PBX3: variants seen among roughly 807,000 people sequenced by gnomAD.
PBX3 encodes the protein PBX homeobox 3, also known as pre-B-cell leukemia transcription factor 3.
In PBX3, 14 loss-of-function variants were observed where a neutral mutation model predicts 48.5. The ratio of observed to expected loss-of-function variants is 0.29; its 90% CI spans 0.19 to 0.45. The LOEUF (loss-of-function observed/expected upper bound fraction) is 0.45. Ranked by LOEUF, PBX3 falls within the 20% of genes least tolerant of loss-of-function variation. PBX3 has a pLI of 1.00. For synonymous variants in PBX3, 210 were observed against 200.3 expected, an observed-to-expected ratio of 1.05 and a Z score of -0.41; for missense variants, 386 against 546.7, an observed-to-expected ratio of 0.71 and a Z score of 2.93.
In PBX3 at chr9:125,764,758, T is replaced by TG. The variant is rs551723141; in HGVS notation, c.274+16136dup. Among the ~76,000 whole-genome samples, 813 of 152,338 alleles carry TG rather than the reference T, an allele frequency of 5.3e-3. 2 individuals are homozygous for TG. Among genetic ancestry groups the TG allele is most frequent in the Middle Eastern group, 0.014 (4 of 294 alleles). ...GTTGCCTTTGCTGATTGCAAAGGTT[T>TG]GCTTTTCAGGGACAGTTATAGTAGA... On this transcript the variant is annotated intron_variant, in intron 2 of 8. Coordinates refer to ENST00000373489, the MANE Select transcript of PBX3 (RefSeq NM_006195.6).
intron 2 of PBX3, among the ~76,000 whole-genome samples, chr9:125,827,957 C>G (rs191766688): frequency 6.6e-6 from 1 of 152,140 alleles, no homozygotes; most frequent in African/African-American, 2.4e-5. Flanking sequence ...GAGGTTTGTT[C>G]TGGAACTACG....
chr9:125,849,637 A>T (rs866332318), intron 2 of PBX3, among the ~76,000 whole-genome samples: 3 of 152,018 alleles, frequency 2.0e-5, no homozygotes, highest in Non-Finnish European at 2.9e-5. Context: ...TTTAATTGAC[A>T]TAAGTTTTTC....
At chr9:125,794,837 T>A (rs950001377) in intron 2 of PBX3, among the ~76,000 whole-genome samples, 1 of 152,024 alleles carries the variant, frequency 6.6e-6, no homozygotes, top group African/African-American at 2.4e-5. Flanking sequence ...GTTCAGTGTG[T>A]ACACCAAGAG....
intron 2 of PBX3, among the ~76,000 whole-genome samples, chr9:125,896,488 G>A (rs1199479767): frequency 6.6e-6 from 1 of 151,836 alleles, no homozygotes; most frequent in Non-Finnish European, 1.5e-5. Flanking sequence ...TTTCTTTCCC[G>A]CATATTGTGA....
chr9:125,887,783 T>C (rs534913528), intron 2 of PBX3, among the ~76,000 whole-genome samples: 21 of 152,300 alleles, frequency 1.4e-4, no homozygotes, highest in African/African-American at 4.1e-4. Context: ...TTAGTTGTTA[T>C]TAGAAAGTAA....
At chr9:125,842,654 G>A (rs10986975) in intron 2 of PBX3, among the ~76,000 whole-genome samples, 3,047 of 152,244 alleles carry the variant, frequency 0.02, 167 homozygotes, top group East Asian at 0.17. Context: ...AAACAAGTCA[G>A]TATTGACCCA....
At chr9:125,852,303 G>GCTA (rs1839605294) in intron 2 of PBX3, among the ~76,000 whole-genome samples, 1 of 152,152 alleles carries the variant, frequency 6.6e-6, no homozygotes, top group South Asian at 2.1e-4. Context: ...AGTGCCAGAT[G>GCTA]CTAGAATCCT....
intron 2 of PBX3, among the ~76,000 whole-genome samples, chr9:125,849,098 A>G (rs774300800): frequency 5.3e-5 from 8 of 152,022 alleles, no homozygotes; most frequent in Non-Finnish European, 1.0e-4. Flanking sequence ...GATGTTAATC[A>G]GCTTGCTCCG....
At chr9:125,903,835 GAGTT>G (rs1841007939) in intron 2 of PBX3, among the ~76,000 whole-genome samples, 2 of 151,884 alleles carry the variant, frequency 1.3e-5, no homozygotes, top group South Asian at 4.1e-4. Flanking sequence ...AGGTGGTAAA[GAGTT>G]AGTTCAGACT....
At chr9:125,933,934 C>T (rs1841775983) in intron 4 of PBX3, among the ~76,000 whole-genome samples, 1 of 152,080 alleles carries the variant, frequency 6.6e-6, no homozygotes, top group Non-Finnish European at 1.5e-5. Flanking sequence ...CACCTCGGGA[C>T]CTTGTCTTTC....
intron 2 of PBX3, among the ~76,000 whole-genome samples, chr9:125,764,182 G>C (rs1836744824): frequency 6.6e-6 from 1 of 152,120 alleles, no homozygotes; most frequent in Non-Finnish European, 1.5e-5. Context: ...CCCTCCCCCT[G>C]GTTTTTCTCA....
intron 5 of PBX3, among the ~76,000 whole-genome samples, chr9:125,952,842 T>A (rs1842221285): frequency 1.3e-5 from 2 of 152,194 alleles, no homozygotes; most frequent in Non-Finnish European, 2.9e-5. Context: ...GAAAACAATT[T>A]GGATGATACC....
intron 2 of PBX3, among the ~76,000 whole-genome samples, chr9:125,769,895 A>C (rs1836898367): frequency 6.6e-6 from 1 of 152,146 alleles, no homozygotes; most frequent in Non-Finnish European, 1.5e-5. Context: ...AACTGAGTGA[A>C]TTGTTTATTA....
chr9:125,800,885 T>C (rs1837923842), intron 2 of PBX3, among the ~76,000 whole-genome samples: 1 of 151,630 alleles, frequency 6.6e-6, no homozygotes, highest in African/African-American at 2.4e-5. Context: ...CTCCAGTAAC[T>C]GGGATTACAG....
intron 5 of PBX3, among the ~76,000 whole-genome samples, chr9:125,955,095 T>C (rs953040067): frequency 9.2e-5 from 14 of 152,114 alleles, no homozygotes; most frequent in African/African-American, 3.4e-4. Flanking sequence ...ACAGCAAAAA[T>C]GTGCAGACCA....
intron 2 of PBX3, among the ~76,000 whole-genome samples, chr9:125,820,819 A>G (rs767230775): frequency 5.3e-5 from 8 of 152,092 alleles, no homozygotes; most frequent in African/African-American, 1.4e-4. Context: ...CTTATTTTCT[A>G]TTTGTATTTG....
chr9:125,852,525 A>G (rs918308531), intron 2 of PBX3, among the ~76,000 whole-genome samples: 1 of 152,164 alleles, frequency 6.6e-6, no homozygotes, highest in Non-Finnish European at 1.5e-5. Context: ...TGGAATAAGC[A>G]CTGTAGTGTG....
intron 2 of PBX3, among the ~76,000 whole-genome samples, chr9:125,771,605 C>T (rs1376211645): frequency 6.6e-6 from 1 of 151,844 alleles, no homozygotes; most frequent in Admixed American, 6.6e-5. Context: ...CTAATTTTAG[C>T]AAAATTGAGA....
At chr9:125,781,381 G>A (rs1282672683) in intron 2 of PBX3, among the ~76,000 whole-genome samples, 2 of 151,800 alleles carry the variant, frequency 1.3e-5, no homozygotes, top group African/African-American at 4.8e-5. Flanking sequence ...CCAGTCAGGC[G>A]TGGTGGCGCG....
Sources: gnomAD v4.1 joint callset for allele counts (sites outside exome capture counted in the v4.1 genomes callset) on GRCh38, gnomAD v4.1.1 for gene constraint, MANE v1.5 for transcripts, NCBI Gene and HGNC (gene_info 2026-07-23, HGNC 2026-07-21) for gene names.